Variants in GALNT2 observed in about 807,000 individuals in gnomAD.
GALNT2 encodes UDP-GalNAc:polypeptide N-acetylgalactosaminyltransferase 2.
A neutral mutation model predicts 81.4 loss-of-function variants in GALNT2; 31 were observed. The ratio of observed to expected loss-of-function variants is 0.38; its 90% CI spans 0.29 to 0.51. The LOEUF (loss-of-function observed/expected upper bound fraction) is 0.51. GALNT2 is among the 20% of genes least tolerant of loss of function. The probability of loss-of-function intolerance (pLI) is 0.87; values close to 1 mark genes in which losing one functional copy is unlikely to be tolerated. For missense variants in GALNT2, 629 were observed against 765.7 expected (o/e 0.82, Z 2.11); for synonymous variants, 303 against 287.4 (o/e 1.05, Z -0.55).
At chr1:230,083,693 C>T (rs990279787) in intron 1 of GALNT2, among the ~76,000 whole-genome samples, 3 of 152,250 alleles carry the variant, frequency 2.0e-5, no homozygotes, top group South Asian at 2.1e-4. Context: ...AAACGGTGTC[C>T]GGAGAGTAAG....
intron 1 of GALNT2, among the ~76,000 whole-genome samples, chr1:230,102,572 G>T (rs1003474758): frequency 2.0e-5 from 3 of 152,056 alleles, no homozygotes; most frequent in Non-Finnish European, 4.4e-5. Context: ...GAGAGTCCTT[G>T]ATTTATTATT....
intron 1 of GALNT2, among the ~76,000 whole-genome samples, chr1:230,076,456 G>A (rs1378775176): frequency 6.6e-6 from 1 of 152,176 alleles, no homozygotes; most frequent in Non-Finnish European, 1.5e-5. Flanking sequence ...GGTGGGAGTG[G>A]GGTTTGTTGA....
chr1:230,098,319 A>G (rs577262126), intron 1 of GALNT2, among the ~76,000 whole-genome samples: 1 of 152,176 alleles, frequency 6.6e-6, no homozygotes, highest in East Asian at 1.9e-4. Flanking sequence ...TGTGAGCTCT[A>G]TACTGTGGGA....
chr1:230,247,921 A>T (rs2102746028), intron 8 of GALNT2, among the ~76,000 whole-genome samples: 1 of 152,302 alleles, frequency 6.6e-6, no homozygotes, highest in South Asian at 2.1e-4. Context: ...CTAATCCTTA[A>T]CCTTCTCTGT....
intron 1 of GALNT2, among the ~76,000 whole-genome samples, chr1:230,132,155 C>T (rs144318541): frequency 9.2e-5 from 14 of 152,296 alleles, no homozygotes; most frequent in African/African-American, 2.9e-4. Flanking sequence ...CTACATTCAT[C>T]CCTTCAATCA....
chr1:230,274,393 C>A, intron 14 of GALNT2, 52 bp from the exon 15 acceptor site: 1 of 1,589,850 alleles, frequency 6.3e-7, no homozygotes, highest in South Asian at 1.1e-5. Context: ...CCCTTCTTTC[C>A]TTTCACAGCC....
At chr1:230,085,620 G>GA (rs1240625248) in intron 1 of GALNT2, among the ~76,000 whole-genome samples, 1 of 152,186 alleles carries the variant, frequency 6.6e-6, no homozygotes, top group African/African-American at 2.4e-5. Flanking sequence ...GGTCTGGCAT[G>GA]ATCCAGTTCA....
Position 230,275,392 on chromosome 1 carries a change from G to T in GALNT2, c.1560+828G>T, listed in dbSNP as rs189273915. Among the ~76,000 whole-genome samples the T allele has an allele frequency of 6.9e-6, 1 of 143,942 alleles. No individual in the cohort carries two copies. The highest frequency in any genetic ancestry group is 1.5e-5 in the Non-Finnish European group (1 of 66,332). 94.4% of individuals were successfully genotyped at this position (143,942 alleles called of 152,430 possible). Reference sequence around the variant, plus strand: ...ATCTATAAACACCACATGTATACACGCCACATATATACATATGTAAACACC... The same window carrying T: ...ATCTATAAACACCACATGTATACACTCCACATATATACATATGTAAACACC... On this transcript the variant is annotated intron_variant, in intron 15 of 15. Coordinates refer to ENST00000366672, the MANE Select transcript of GALNT2 (RefSeq NM_004481.5). The surrounding 1 kb of genome is among the most constrained non-coding windows in gnomAD (Gnocchi z 5.5).
At chr1:230,169,396 T>G (rs1445469327) in intron 1 of GALNT2, among the ~76,000 whole-genome samples, 1 of 152,230 alleles carries the variant, frequency 6.6e-6, no homozygotes, top group Non-Finnish European at 1.5e-5. Flanking sequence ...GTCATAGAGA[T>G]AGACCAGGAT....
chr1:230,167,867 C>G (rs1662662206), intron 1 of GALNT2, among the ~76,000 whole-genome samples: 1 of 152,192 alleles, frequency 6.6e-6, no homozygotes, highest in African/African-American at 2.4e-5. Flanking sequence ...TCTCCTCCCA[C>G]CTTTTTTTCT....
At chr1:230,203,319 G>A (rs1663965212) in intron 3 of GALNT2, 29 bp downstream of exon 3, 1 of 1,607,408 alleles carries the variant, frequency 6.2e-7, no homozygotes, top group Non-Finnish European at 8.5e-7. Flanking sequence ...ACCTGCTGCA[G>A]CTTCATTTGC....
chr1:230,068,572 G>A (rs951543820), intron 1 of GALNT2, among the ~76,000 whole-genome samples: 1 of 152,218 alleles, frequency 6.6e-6, no homozygotes, highest in African/African-American at 2.4e-5. Flanking sequence ...ACAAGCCAGA[G>A]GGAACTAACT....
At chr1:230,140,927 A>G (rs1661710404) in intron 1 of GALNT2, among the ~76,000 whole-genome samples, 1 of 152,248 alleles carries the variant, frequency 6.6e-6, no homozygotes, top group African/African-American at 2.4e-5. Flanking sequence ...GAAGATACGT[A>G]TCCTTTCTAG....
chr1:230,107,610 T>TTGTGTGTGTG (rs3033608), intron 1 of GALNT2, among the ~76,000 whole-genome samples: 15,675 of 140,866 alleles, frequency 0.11, 955 homozygotes, highest in Non-Finnish European at 0.15. Flanking sequence ...CTCATGGACT[T>TTGTGTGTGTG]TGTGTGTGTG....
chr1:230,086,709 A>G (rs765602496), intron 1 of GALNT2, among the ~76,000 whole-genome samples: 4 of 152,082 alleles, frequency 2.6e-5, no homozygotes, highest in Non-Finnish European at 5.9e-5. Context: ...CCTGGGTTGG[A>G]TCTCTTAGAG....
Position 230,279,462 on chromosome 1 carries a change from G to A in GALNT2, c.*4G>A, listed in dbSNP as rs1666378503. 1.2e-6 allele frequency: 2 copies of A among 1,612,786 alleles called. No homozygotes were observed. The highest frequency in any genetic ancestry group is 1.7e-6 in the Non-Finnish European group (2 of 1,179,278). On this transcript the variant is annotated 3_prime_UTR_variant, in exon 16 of 16. Coordinates refer to ENST00000366672, the MANE Select transcript of GALNT2 (RefSeq NM_004481.5). The surrounding 1 kb of genome is among the most constrained non-coding windows in gnomAD (Gnocchi z 4.6). ...CACGCTCAACCTGCAGCAGTAGGAG[G>A]GTCCGGGAGGCCCTGCCGTCCTGTC...
intron 1 of GALNT2, among the ~76,000 whole-genome samples, chr1:230,144,102 T>G (rs1157438172): frequency 2.0e-5 from 3 of 152,134 alleles, no homozygotes; most frequent in Non-Finnish European, 4.4e-5. Flanking sequence ...TTGATGCAGA[T>G]CCTCCTGGCC....
intron 1 of GALNT2, among the ~76,000 whole-genome samples, chr1:230,129,084 C>T (rs1261377567): frequency 1.3e-5 from 2 of 152,212 alleles, no homozygotes; most frequent in South Asian, 2.1e-4. Flanking sequence ...CGGTGTATTT[C>T]GGGCTCTCTC....
intron 2 of GALNT2, among the ~76,000 whole-genome samples, chr1:230,184,739 T>G (rs543342884): frequency 6.6e-6 from 1 of 152,244 alleles, no homozygotes; most frequent in South Asian, 2.1e-4. Flanking sequence ...CTATTCTGTG[T>G]GTTCTCTAAG....
Sources: gnomAD v4.1 joint callset for allele counts (sites outside exome capture counted in the v4.1 genomes callset) on GRCh38, gnomAD v4.1.1 for gene constraint, Gnocchi (gnomAD v3.1) non-coding constraint, MANE v1.5 for transcripts, NCBI Gene and HGNC (gene_info 2026-07-23, HGNC 2026-07-21) for gene names.